Variants in SUGP2 observed in about 807,000 individuals in gnomAD.
SUGP2 encodes the protein SURP and G-patch domain containing 2.
A neutral mutation model predicts 90.5 loss-of-function variants in SUGP2; 24 were observed. The ratio of observed to expected loss-of-function variants is 0.27; its 90% CI spans 0.19 to 0.37. The LOEUF is 0.37. Among genes scored for constraint, SUGP2 ranks in the 10% least tolerant of loss-of-function variants. The pLI is 1.00. For missense variants in SUGP2, 1,233 were observed against 1,363.3 expected (o/e 0.90, Z 1.51); for synonymous variants, 473 against 513.4 (o/e 0.92, Z 1.06).
At chr19:19,001,393 A>G (rs2057826355) in intron 8 of SUGP2, among the ~76,000 whole-genome samples, 2 of 152,196 alleles carry the variant, frequency 1.3e-5, no homozygotes, top group Non-Finnish European at 2.9e-5. Flanking sequence ...AGGGATCTCA[A>G]CTATCCATTA....
chr19:19,031,465 C>T (rs2059146259), intron 1 of SUGP2, among the ~76,000 whole-genome samples: 1 of 149,564 alleles, frequency 6.7e-6, no homozygotes, highest in South Asian at 2.1e-4. Context: ...ACCCAGGAGG[C>T]GGAGGTTGCA....
Position 19,025,290 on chromosome 19 carries a change from GTC to G in SUGP2, c.1056_1057del (p.Gln352HisfsTer4). The G allele has an allele frequency of 6.2e-7, 1 of 1,613,314 alleles. No homozygotes were observed. Among genetic ancestry groups the G allele is most frequent in the African/African-American group, 1.3e-5 (1 of 74,970 alleles). ...GGTTTCTGTTTCAAGTTCAAAGAGAGTCTGGAAAAGTTGGGAAAATTTAATAT... is the reference window on the plus strand; with the variant it reads ...GGTTTCTGTTTCAAGTTCAAAGAGAGTGGAAAAGTTGGGAAAATTTAATAT... On this transcript the variant is annotated frameshift_variant, in exon 3 of 11. Transcript: ENST00000452918. LOFTEE classifies it high-confidence loss of function.
chr19:19,001,659 C>T lies in SUGP2; in HGVS notation c.2945G>A (p.Arg982Gln), dbSNP rs751621128. The change falls in exon 8 of 11, where the codon CGA becomes CAA. Residue 982 changes from arginine to glutamine, a missense_variant. Around this residue, in one of 8 missense-constraint regions of SUGP2, gnomAD observed 105 missense variants for 155.2 expected, o/e 0.68. Transcript: ENST00000452918. ...ACCCCGAGGCCTGTCATAGGCAATT[C>T]GAACTGGTTCATGGACTAGAAGACA... ...IQEPKVHEPV[R>Q]IAYDRPRGRP... 9 of 1,614,192 alleles carry T rather than the reference C, an allele frequency of 5.6e-6. No homozygotes were observed. The highest frequency in any genetic ancestry group is 2.2e-5 in the East Asian group (1 of 44,884).
In SUGP2 at chr19:19,019,105, C is replaced by T; in HGVS notation, c.1850+4G>A. ...ATTCACAGCGTGGACATTTAAAGAC[C>T]TACCAGTAAGCAGGGTCCTCTTTGA... is the stretch of plus-strand genomic sequence containing the variant. On this transcript the variant is annotated splice_donor_region_variant and intron_variant, in intron 4 of 10. Transcript: ENST00000452918. 6.2e-7 allele frequency: 1 copy of T among 1,613,264 alleles called. No individual in the cohort carries two copies. Among genetic ancestry groups the T allele is most frequent in the Non-Finnish European group, 8.5e-7 (1 of 1,179,324 alleles).
At position 19,004,173 on chromosome 19, in the gene SUGP2, G is replaced by C; in HGVS notation, c.2924C>G (p.Pro975Arg). The C allele has an allele frequency of 6.5e-7, 1 of 1,549,086 alleles. No individual in the cohort carries two copies. The highest frequency in any genetic ancestry group is 8.7e-7 in the Non-Finnish European group (1 of 1,145,822). The change falls in exon 7 of 11, where the codon CCA becomes CGA. Residue 975 changes from proline to arginine, a missense_variant. Transcript: ENST00000452918. ...APKRVCLIQE[P>R]KVHEPVRIAY... Reference sequence around the variant, plus strand: ...GCCGACAGGCGGGCACTCACCTTTTGGCTCCTGGATGAGACACACTCTCTT... The same window carrying C: ...GCCGACAGGCGGGCACTCACCTTTTCGCTCCTGGATGAGACACACTCTCTT...
At chr19:19,024,166 G>C (rs1226113993) in intron 3 of SUGP2, among the ~76,000 whole-genome samples, 1 of 152,136 alleles carries the variant, frequency 6.6e-6, no homozygotes, top group African/African-American at 2.4e-5. Flanking sequence ...TTGGAGTGCA[G>C]TGGGGTGATC....
intron 8 of SUGP2, among the ~76,000 whole-genome samples, chr19:18,998,603 CGTGT>C (rs762861450): frequency 6.6e-6 from 1 of 151,212 alleles, no homozygotes; most frequent in Non-Finnish European, 1.5e-5. Flanking sequence ...TGTGTGTGTG[CGTGT>C]GTGTATGCAT....
intron 2 of SUGP2, among the ~76,000 whole-genome samples, chr19:19,026,934 G>C (rs1043454228): frequency 6.6e-6 from 1 of 152,134 alleles, no homozygotes; most frequent in African/African-American, 2.4e-5. Context: ...TACATCAAGA[G>C]AGGCCATGAT....
intron 2 of SUGP2, among the ~76,000 whole-genome samples, chr19:19,029,100 TCCCAA>T (rs2059043180): frequency 6.6e-6 from 1 of 151,918 alleles, no homozygotes; most frequent in South Asian, 2.1e-4. Flanking sequence ...TGCCTCAGCC[TCCCAA>T]GTAGCCAGGG....
chr19:19,010,943 C>T (rs574802398), intron 4 of SUGP2, among the ~76,000 whole-genome samples: 140 of 151,768 alleles, frequency 9.2e-4, no homozygotes, highest in African/African-American at 3.1e-3. Context: ...AGTTCAAGAC[C>T]AGCCTGGGCA....
rs572877910 is a variant in SUGP2 at position 19,019,189 on chromosome 19, G to A, written c.1770C>T (p.Ile590=). The A allele has an allele frequency of 1.2e-5, 19 of 1,614,150 alleles. No homozygotes were observed. The highest frequency in any genetic ancestry group is 7.7e-5 in the South Asian group (7 of 91,078). ...QRADHRVVGT[I]DQLVKRVIEG... Reference sequence around the variant, plus strand: ...CGATGACACGTTTCACAAGCTGGTCGATGGTGCCCACTACCCTGTGATCTG... The same window carrying A: ...CGATGACACGTTTCACAAGCTGGTCAATGGTGCCCACTACCCTGTGATCTG... The change falls in exon 4 of 11, where the codon ATC becomes ATT. Residue 590 remains isoleucine (I), a synonymous_variant. Coordinates refer to ENST00000452918, the MANE Select transcript of SUGP2 (RefSeq NM_001017392.5).
chr19:19,032,410 C>T (rs1490876238), intron 1 of SUGP2, among the ~76,000 whole-genome samples: 1 of 152,152 alleles, frequency 6.6e-6, no homozygotes, highest in Non-Finnish European at 1.5e-5. Flanking sequence ...TCGCCCGCTT[C>T]GGCCTCCCAA....
Position 19,004,328 on chromosome 19 carries a change from G to A in SUGP2, c.2769C>T (p.Gly923=), listed in dbSNP as rs2057970617. The A allele has an allele frequency of 1.9e-6, 3 of 1,613,318 alleles. No homozygotes were observed. Among genetic ancestry groups the A allele is most frequent in the Non-Finnish European group, 1.7e-6 (2 of 1,179,584 alleles). Residue 923 remains glycine, a synonymous_variant, in exon 7 of 11, where the codon GGC becomes GGT. Transcript: ENST00000452918. ...CGTCCTCGGCAGCCTCGCCGGGAAG[G>A]CCGTCGGCAGGGGTGCTGCCCTCAG... ...GKSEGSTPAD[G]LPGEAAEDDL...
chr19:19,028,616 T>C (rs1484769925), intron 2 of SUGP2, among the ~76,000 whole-genome samples: 1 of 152,210 alleles, frequency 6.6e-6, no homozygotes, highest in Non-Finnish European at 1.5e-5. Flanking sequence ...GGCTAAACGA[T>C]AGACTGCTTT....
rs2145388815 is a variant in SUGP2, at chr19:19,004,516, G to C, written c.2581C>G (p.Gln861Glu). The C allele has an allele frequency of 6.2e-7, 1 of 1,614,232 alleles. No individual in the cohort carries two copies. ...HTGGGDTTGS[Q>E]ESPVDLMEGE... ...TCCATGAGGTCCACGGGGCTCTCCT[G>C]AGAACCCGTGGTGTCACCACCACCA... Residue 861 changes from glutamine to glutamate, a missense_variant, in exon 7 of 11, where the codon CAG becomes GAG. Coordinates refer to ENST00000452918, the MANE Select transcript of SUGP2 (RefSeq NM_001017392.5).
chr19:19,025,456 T>A lies in SUGP2; in HGVS notation c.892A>T (p.Ile298Phe), dbSNP rs545610582. ...TTCTTCAGATCCAGCCCCAGAGGGA[T>A]CTTCTGAATGGGGAACTGGATATCT... ...TEDIQFPIQK[I>F]PLGLDLKNLR... is the part of the protein sequence containing the mutation. Residue 298 changes from isoleucine to phenylalanine, a missense_variant, in exon 3 of 11, where the codon ATC (isoleucine) becomes TTC (phenylalanine). Ile to Phe is a conservative substitution (Grantham distance 21). Coordinates refer to ENST00000452918, the MANE Select transcript of SUGP2 (RefSeq NM_001017392.5). 8 of 1,614,208 alleles carry A rather than the reference T, an allele frequency of 5.0e-6. No homozygotes were observed. The African/African-American group carries it at 1.1e-4, about 22-fold the overall frequency.
chr19:19,021,025 G>A lies in SUGP2; in HGVS notation c.1730-1796C>T, dbSNP rs189998358. ...AAATATAAAATTAGCCAGGTGTGGT[G>A]GCACATGACTGTAATCCCAGCTACT... On this transcript the variant is annotated intron_variant, in intron 3 of 10. Transcript: ENST00000452918. 4.6e-3 allele frequency among the ~76,000 whole-genome samples: 698 copies of A among 151,994 alleles called. 3 individuals carry two copies. Among genetic ancestry groups the A allele is most frequent in the Non-Finnish European group, 7.9e-3 (539 of 67,960 alleles).
rs2059274322 is a variant in SUGP2 at position 19,033,440 on chromosome 19, G to A, written c.-15C>T. On this transcript the variant is annotated 5_prime_UTR_variant, in exon 1 of 11. Coordinates refer to ENST00000452918, the MANE Select transcript of SUGP2 (RefSeq NM_001017392.5). ...GACGCCAGGGCCCGGGCCTCACCCC[G>A]AGACCACCGCGCGCGGAGCCACCCC... The A allele has an allele frequency of 7.2e-7, 1 of 1,388,578 alleles. No homozygotes were observed. Among genetic ancestry groups the A allele is most frequent in the Non-Finnish European group, 9.3e-7 (1 of 1,070,204 alleles). 86.0% of individuals were successfully genotyped at this position (1,388,578 alleles called of 1,614,324 possible).
intron 4 of SUGP2, among the ~76,000 whole-genome samples, chr19:19,016,739 C>T (rs564977019): frequency 3.3e-5 from 5 of 152,244 alleles, no homozygotes; most frequent in East Asian, 1.9e-4. Context: ...TGCCTCCCAA[C>T]GTTGTTTATG....
Sources: allele counts gnomAD v4.1 joint callset (sites outside exome capture counted in the v4.1 genomes callset), GRCh38; gene constraint gnomAD v4.1.1; regional missense constraint gnomAD v4.1.1; transcripts MANE v1.5; gene names NCBI Gene and HGNC (gene_info 2026-07-23, HGNC 2026-07-21).